The following FGGY variants were observed in gnomAD, a reference collection of about 807,000 sequenced individuals.
The protein encoded by FGGY is FGGY carbohydrate kinase domain containing.
A neutral mutation model predicts 71.3 loss-of-function variants in FGGY; 72 were observed. The observed-to-expected ratio is 1.01, with a 90% CI of 0.84 to 1.23. The LOEUF (loss-of-function observed/expected upper bound fraction) is 1.23. Ranked by LOEUF, FGGY falls within the 50% of genes most tolerant of loss-of-function variation. The pLI is 0.00. For synonymous variants in FGGY, 251 were observed against 250.3 expected, an observed-to-expected ratio of 1.00 and a Z score of -0.02; for missense variants, 668 against 682.3, an observed-to-expected ratio of 0.98 and a Z score of 0.23.
chr1:59,703,624 T>C (rs929975442), intron 14 of FGGY, among the ~76,000 whole-genome samples: 3 of 152,222 alleles, frequency 2.0e-5, no homozygotes, highest in Non-Finnish European at 2.9e-5. Context: ...TCCCTGGGCA[T>C]CTACTTCTAA....
At chr1:59,408,990 T>C (rs1391782188) in intron 5 of FGGY, among the ~76,000 whole-genome samples, 1 of 152,194 alleles carries the variant, frequency 6.6e-6, no homozygotes, top group Admixed American at 6.5e-5. Context: ...TGTTTTCTTA[T>C]TTAACTTTTA....
At chr1:59,668,727 G>C (rs2097347642) in intron 13 of FGGY, among the ~76,000 whole-genome samples, 1 of 152,014 alleles carries the variant, frequency 6.6e-6, no homozygotes. Flanking sequence ...TCACGCCTGT[G>C]ATCCCCACAC....
intron 8 of FGGY, among the ~76,000 whole-genome samples, chr1:59,557,244 G>T (rs989164164): frequency 2.0e-5 from 3 of 152,134 alleles, no homozygotes; most frequent in Admixed American, 1.3e-4. Flanking sequence ...GGGACCAAAG[G>T]GTGATGCGGG....
chr1:59,710,454 A>C (rs992762925), intron 14 of FGGY, among the ~76,000 whole-genome samples: 1 of 152,236 alleles, frequency 6.6e-6, no homozygotes, highest in Non-Finnish European at 1.5e-5. Flanking sequence ...AATGGGATCT[A>C]ATTAAACTAA....
At chr1:59,359,973 C>T (rs561461562) in intron 4 of FGGY, among the ~76,000 whole-genome samples, 128 of 152,144 alleles carry the variant, frequency 8.4e-4, no homozygotes, top group African/African-American at 1.1e-3. Flanking sequence ...GTGGCATGGA[C>T]GTACATTTTT....
At chr1:59,754,441 A>G (rs1379968397) in intron 14 of FGGY, among the ~76,000 whole-genome samples, 1 of 151,656 alleles carries the variant, frequency 6.6e-6, no homozygotes, top group Non-Finnish European at 1.5e-5. Flanking sequence ...TTTGAGATAG[A>G]GTCTTGCTCT....
At chr1:59,395,239 G>A (rs1056860453) in intron 5 of FGGY, among the ~76,000 whole-genome samples, 1 of 152,056 alleles carries the variant, frequency 6.6e-6, no homozygotes, top group African/African-American at 2.4e-5. Flanking sequence ...CATGACACGT[G>A]TTAGGTGTTG....
intron 13 of FGGY, among the ~76,000 whole-genome samples, chr1:59,673,159 C>T (rs968917120): frequency 2.2e-4 from 34 of 152,266 alleles, no homozygotes; most frequent in African/African-American, 7.7e-4. Context: ...GGGAGACAGA[C>T]ATTAAACAAG....
intron 8 of FGGY, among the ~76,000 whole-genome samples, chr1:59,587,260 C>A (rs1429494301): frequency 7.9e-5 from 12 of 152,090 alleles, no homozygotes; most frequent in African/African-American, 2.9e-4. Context: ...CCGCCATTGC[C>A]CAGGCTTGCT....
intron 2 of FGGY, among the ~76,000 whole-genome samples, chr1:59,331,409 G>A (rs375207464): frequency 3.9e-5 from 6 of 152,090 alleles, no homozygotes; most frequent in South Asian, 2.1e-4. Flanking sequence ...GGTAATGCAC[G>A]CCCCAACACA....
chr1:59,597,870 A>G (rs527641608), intron 8 of FGGY, among the ~76,000 whole-genome samples: 27 of 152,192 alleles, frequency 1.8e-4, no homozygotes, highest in Non-Finnish European at 3.1e-4. Flanking sequence ...GTATTAGAGA[A>G]CTAATTCATA....
At chr1:59,504,015 G>A (rs1187668257) in intron 6 of FGGY, among the ~76,000 whole-genome samples, 1 of 152,166 alleles carries the variant, frequency 6.6e-6, no homozygotes, top group Non-Finnish European at 1.5e-5. Flanking sequence ...AGTCTGAGCA[G>A]ATAGTCCTTG....
chr1:59,587,117 A>T (rs1285943397), intron 8 of FGGY, among the ~76,000 whole-genome samples: 5 of 152,210 alleles, frequency 3.3e-5, no homozygotes, highest in African/African-American at 4.8e-5. Flanking sequence ...CAATGGGCTT[A>T]AAAAATGGCA....
intron 5 of FGGY, among the ~76,000 whole-genome samples, chr1:59,405,011 A>G (rs1473401701): frequency 6.6e-6 from 1 of 152,222 alleles, no homozygotes; most frequent in East Asian, 1.9e-4. Flanking sequence ...TGAAATCACG[A>G]AAGATTGGAA....
intron 6 of FGGY, among the ~76,000 whole-genome samples, chr1:59,466,677 C>T (rs1016456003): frequency 6.6e-6 from 1 of 152,126 alleles, no homozygotes; most frequent in Admixed American, 6.5e-5. Context: ...AAAACAACCC[C>T]ATCAAAAAGT....
At chr1:59,691,334 C>T (rs72919669) in intron 14 of FGGY, among the ~76,000 whole-genome samples, 1,937 of 152,328 alleles carry the variant, frequency 0.013, 41 homozygotes, top group African/African-American at 0.044. Context: ...GGTCACTGTG[C>T]CTGTCTGTGT....
chr1:59,452,735 G>A (rs112946256), intron 5 of FGGY, among the ~76,000 whole-genome samples: 21 of 152,284 alleles, frequency 1.4e-4, no homozygotes, highest in Non-Finnish European at 2.2e-4. Flanking sequence ...TCACCCAACC[G>A]GCCAACAGCA....
intron 7 of FGGY, among the ~76,000 whole-genome samples, chr1:59,513,017 C>G (rs1045898042): frequency 1.3e-5 from 2 of 152,138 alleles, no homozygotes; most frequent in African/African-American, 4.8e-5. Flanking sequence ...TCTTCCCCAG[C>G]TTTTAATGGG....
chr1:59,636,769 C>T (rs1251717497), intron 10 of FGGY, among the ~76,000 whole-genome samples: 1 of 152,226 alleles, frequency 6.6e-6, no homozygotes, highest in Non-Finnish European at 1.5e-5. Flanking sequence ...TCATGGGATC[C>T]ATGGGATCAC....
Sources: allele counts gnomAD v4.1 joint callset (sites outside exome capture counted in the v4.1 genomes callset), GRCh38; gene constraint gnomAD v4.1.1; transcripts MANE v1.5; gene names NCBI Gene and HGNC (gene_info 2026-07-23, HGNC 2026-07-21).